FRMPD4: variants seen among roughly 807,000 people sequenced by gnomAD.
The protein encoded by FRMPD4 is FERM and PDZ domain-containing protein 4.
Under a neutral mutation model 94.1 loss-of-function variants are expected in FRMPD4, and 22 were observed. That is an observed-to-expected ratio of 0.23 (90% CI 0.17 to 0.33). The LOEUF is 0.33. Among genes scored for constraint, FRMPD4 ranks in the 10% least tolerant of loss-of-function variants. The probability of loss-of-function intolerance (pLI) is 1.00; values close to 1 mark genes in which losing one functional copy is unlikely to be tolerated. For synonymous variants in FRMPD4, 631 were observed against 548.6 expected (o/e 1.15, Z -2.10); for missense variants, 1,111 against 1,339.9 (o/e 0.83, Z 2.67).
intron 2 of FRMPD4, among the ~76,000 whole-genome samples, chrX:12,552,378 G>A (rs1308846753): frequency 9.0e-6 from 1 of 111,447 alleles, no homozygotes; most frequent in Non-Finnish European, 1.9e-5. Context: ...TCTTACATCT[G>A]TATCTATTTT....
chrX:12,041,369 A>G (rs183528171), intron 3 of FRMPD4, among the ~76,000 whole-genome samples: 1 of 112,239 alleles, frequency 8.9e-6, no homozygotes, highest in East Asian at 2.8e-4. Flanking sequence ...CAGATTCTGT[A>G]AGTCTCTCTT....
At chrX:12,576,140 C>T (rs748225984) in intron 2 of FRMPD4, among the ~76,000 whole-genome samples, 11 of 111,734 alleles carry the variant, frequency 9.8e-5, no homozygotes, top group Non-Finnish European at 2.1e-4. Flanking sequence ...AACCCAAACC[C>T]CTTGACTTCT....
intron 1 of FRMPD4, among the ~76,000 whole-genome samples, chrX:12,254,837 C>T (rs982603244): frequency 5.4e-5 from 6 of 111,341 alleles, no homozygotes; most frequent in Non-Finnish European, 1.1e-4. Context: ...TCTTCAAGAC[C>T]CTTTCTTTTA....
intron 3 of FRMPD4, among the ~76,000 whole-genome samples, chrX:12,074,414 C>G (rs2054995777): frequency 9.0e-6 from 1 of 110,855 alleles, no homozygotes; most frequent in Non-Finnish European, 1.9e-5. Context: ...TTATTAAATC[C>G]TGCTCCTAGG....
intron 1 of FRMPD4, among the ~76,000 whole-genome samples, chrX:12,187,896 C>G (rs34539323): frequency 0.13 from 14,524 of 111,232 alleles, 704 homozygotes; most frequent in South Asian, 0.32. Flanking sequence ...GACCCAAGCA[C>G]CTTCAGACTG....
intron 3 of FRMPD4, among the ~76,000 whole-genome samples, chrX:12,056,375 G>A (rs146819690): frequency 3.3e-4 from 37 of 112,023 alleles, no homozygotes; most frequent in Non-Finnish European, 4.5e-4. Flanking sequence ...TCTCTGAAAC[G>A]GGGGTCTTAG....
At chrX:12,523,853 A>G (rs2058190918) in intron 2 of FRMPD4, among the ~76,000 whole-genome samples, 1 of 109,078 alleles carries the variant, frequency 9.2e-6, no homozygotes, top group Non-Finnish European at 1.9e-5. Flanking sequence ...TAATTGGGAA[A>G]AAAAAAAAAA....
intron 1 of FRMPD4, among the ~76,000 whole-genome samples, chrX:12,422,113 G>A (rs1481152511): frequency 8.9e-6 from 1 of 112,240 alleles, no homozygotes; most frequent in East Asian, 2.8e-4. Context: ...TTATAAGTGA[G>A]TATGGCTTTG....
At chrX:12,582,505 G>A (rs2148379936) in intron 2 of FRMPD4, among the ~76,000 whole-genome samples, 1 of 111,507 alleles carries the variant, frequency 9.0e-6, no homozygotes, top group South Asian at 3.8e-4. Context: ...AATTTCGCTG[G>A]CAAACTCCCC....
In FRMPD4 at chrX:12,636,846, T is replaced by C. The variant is rs141239929; in HGVS notation, c.422+21965T>C. Among the ~76,000 whole-genome samples the C allele has an allele frequency of 2.9e-3, 331 of 112,220 alleles. 2 individuals carry two copies. The highest frequency in any genetic ancestry group is 0.01 in the African/African-American group (311 of 30,946). ...GAAGCTCAACTCATCTTATCTTTGG[T>C]AATGGGAGCCCATTCAAGTGAGATA... On this transcript the variant is annotated intron_variant, in intron 4 of 16. Transcript: ENST00000675598.
intron 3 of FRMPD4, among the ~76,000 whole-genome samples, chrX:11,943,420 A>T (rs1457923287): frequency 9.1e-6 from 1 of 110,459 alleles, no homozygotes; most frequent in Non-Finnish European, 1.9e-5. Flanking sequence ...TATTTCTTAC[A>T]GTTCTGGAGG....
intron 3 of FRMPD4, among the ~76,000 whole-genome samples, chrX:11,982,638 T>C (rs967561244): frequency 7.1e-5 from 8 of 111,918 alleles, no homozygotes; most frequent in Admixed American, 5.7e-4. Context: ...AAGAACTTTA[T>C]TGGATGTCTT....
chrX:12,580,102 G>C (rs1196739170), intron 2 of FRMPD4, among the ~76,000 whole-genome samples: 1 of 112,236 alleles, frequency 8.9e-6, no homozygotes, highest in African/African-American at 3.2e-5. Context: ...AACAAAAGCA[G>C]TTAGATTCAA....
intron 3 of FRMPD4, among the ~76,000 whole-genome samples, chrX:11,932,605 C>G (rs1271543433): frequency 9.1e-6 from 1 of 109,408 alleles, no homozygotes; most frequent in Non-Finnish European, 1.9e-5. Flanking sequence ...AAACTGTGTA[C>G]TAGGTATTAA....
intron 3 of FRMPD4, among the ~76,000 whole-genome samples, chrX:12,006,341 T>C (rs1303482966): frequency 8.9e-6 from 1 of 112,594 alleles, no homozygotes; most frequent in African/African-American, 3.2e-5. Context: ...CAGGAGGATT[T>C]GATAGATATC....
chrX:12,240,781 G>A (rs2057120553), intron 1 of FRMPD4, among the ~76,000 whole-genome samples: 1 of 112,270 alleles, frequency 8.9e-6, no homozygotes, highest in Non-Finnish European at 1.9e-5. Flanking sequence ...TGCAATAGGT[G>A]TTAGAAATAT....
chrX:12,168,782 C>T (rs751440663), intron 1 of FRMPD4, among the ~76,000 whole-genome samples: 2 of 109,383 alleles, frequency 1.8e-5, no homozygotes, highest in African/African-American at 3.3e-5. Flanking sequence ...CCCACCACCA[C>T]GCCTGGCTAA....
intron 3 of FRMPD4, among the ~76,000 whole-genome samples, chrX:12,067,103 C>T (rs997378382): frequency 1.8e-5 from 2 of 110,140 alleles, no homozygotes; most frequent in African/African-American, 6.6e-5. Flanking sequence ...AACTCTTGAC[C>T]TCATGATCTG....
At chrX:12,333,598 AT>A (rs2055467461) in intron 1 of FRMPD4, among the ~76,000 whole-genome samples, 1 of 112,024 alleles carries the variant, frequency 8.9e-6, no homozygotes, top group Non-Finnish European at 1.9e-5. Flanking sequence ...TTTCTGCAAA[AT>A]TTGAGTTTAC....
Sources: allele counts gnomAD v4.1 joint callset (sites outside exome capture counted in the v4.1 genomes callset), GRCh38; gene constraint gnomAD v4.1.1; transcripts MANE v1.5; gene names NCBI Gene and HGNC (gene_info 2026-07-23, HGNC 2026-07-21).